The following SCML4 variants were observed in gnomAD, a reference collection of about 807,000 sequenced individuals.
The protein encoded by SCML4 is sex comb on midleg-like protein 4.
Under a neutral mutation model 41.1 loss-of-function variants are expected in SCML4, and 34 were observed. The observed-to-expected ratio is 0.83, with a 90% CI of 0.63 to 1.10. SCML4 has a LOEUF of 1.10. Among genes scored for constraint, SCML4 ranks in the 50% least tolerant of loss-of-function variants. The probability of loss-of-function intolerance (pLI) is 0.00; values close to 1 mark genes in which losing one functional copy is unlikely to be tolerated. For missense variants in SCML4, 522 were observed against 534.1 expected (o/e 0.98, Z 0.22); for synonymous variants, 214 against 220.9 (o/e 0.97, Z 0.28).
At chr6:107,839,341 A>AGAGAG in the SCML4 span, among the ~76,000 whole-genome samples, 1 of 12,886 alleles carries the variant, frequency 7.8e-5, no homozygotes, top group Non-Finnish European at 1.9e-4. Flanking sequence ...GAGAGAGAGA[A>AGAGAG]AAAGAAAGAA....
chr6:107,717,143 CAAAAAAAAAAA>C (rs546258538), intron 6 of SCML4, among the ~76,000 whole-genome samples: 8 of 63,544 alleles, frequency 1.3e-4, no homozygotes, highest in East Asian at 6.3e-4. Context: ...ACTAAAAATA[CAAAAAAAAAAA>C]AAAAAAAAAA....
chr6:107,838,647 C>T, the SCML4 span, among the ~76,000 whole-genome samples: 1 of 152,148 alleles, frequency 6.6e-6, no homozygotes, highest in African/African-American at 2.4e-5. Context: ...GTTGCCCATC[C>T]TTGAGGTATC....
At chr6:107,720,566 A>T (rs1775278190) in intron 6 of SCML4, 137 bp downstream of exon 6, 1 of 1,425,916 alleles carries the variant, frequency 7.0e-7, no homozygotes, top group African/African-American at 1.4e-5. Context: ...GATCCATGAA[A>T]GGACTTGTGG....
chr6:107,804,040 G>T (rs1186362131), intron 1 of SCML4, among the ~76,000 whole-genome samples: 1 of 122,678 alleles, frequency 8.2e-6, no homozygotes, highest in Non-Finnish European at 1.7e-5. Flanking sequence ...ACCCAAGAAT[G>T]ATCAATAACA....
At chr6:107,831,656 T>C in the SCML4 span, among the ~76,000 whole-genome samples, 3 of 152,194 alleles carry the variant, frequency 2.0e-5, no homozygotes, top group African/African-American at 4.8e-5. Context: ...GAGTGGCTCA[T>C]GCCTGTGGTC....
At chr6:107,759,435 G>A (rs115405623) in intron 2 of SCML4, among the ~76,000 whole-genome samples, 3,052 of 152,236 alleles carry the variant, frequency 0.02, 106 homozygotes, top group African/African-American at 0.07. Context: ...TACTAAGGAG[G>A]TATCACGTGG....
At chr6:107,775,469 A>G (rs901077532) in intron 1 of SCML4, among the ~76,000 whole-genome samples, 14 of 152,228 alleles carry the variant, frequency 9.2e-5, no homozygotes, top group African/African-American at 3.1e-4. Context: ...GTCTTCTGCC[A>G]GCATCTGTGA....
rs575124452 is a variant in SCML4, at chr6:107,803,082, C to A, written c.-60+21044G>T. On this transcript the variant is annotated intron_variant, in intron 1 of 7. Transcript: ENST00000369020. Reference sequence around the variant, plus strand: ...CCAGGCTGGAGTGCAGTGGCGTGATCTCGGCTCGCTACAACTTCCACCTCC... The same window carrying A: ...CCAGGCTGGAGTGCAGTGGCGTGATATCGGCTCGCTACAACTTCCACCTCC... Among the ~76,000 whole-genome samples, 21 of 152,094 alleles carry A rather than the reference C, an allele frequency of 1.4e-4. No individual in the cohort carries two copies. The South Asian group carries it at 4.2e-3, about 30-fold the overall frequency.
chr6:107,750,531 T>C (rs1349619337), intron 2 of SCML4, among the ~76,000 whole-genome samples: 1 of 152,158 alleles, frequency 6.6e-6, no homozygotes, highest in Non-Finnish European at 1.5e-5. Flanking sequence ...TAATCTTAGC[T>C]CTCTACCCAA....
At chr6:107,826,990 G>A (rs1024654633), upstream of SCML4, among the ~76,000 whole-genome samples, 4 of 152,112 alleles carry the variant, frequency 2.6e-5, no homozygotes, top group East Asian at 1.9e-4. Flanking sequence ...GTGAACCCGG[G>A]AGGCGGAGCT....
intron 6 of SCML4, among the ~76,000 whole-genome samples, chr6:107,714,763 G>T (rs1399684156): frequency 6.6e-6 from 1 of 152,044 alleles, no homozygotes; most frequent in African/African-American, 2.4e-5. Context: ...CATTAAACAG[G>T]ATTACTCATT....
the SCML4 span, among the ~76,000 whole-genome samples, chr6:107,838,400 G>C: frequency 0.74 from 112,568 of 152,028 alleles, 42,804 homozygotes; most frequent in East Asian, 0.93. Flanking sequence ...TCTGGATGGG[G>C]CTTTCGTGAA....
chr6:107,733,991 A>G (rs527259035), intron 5 of SCML4, among the ~76,000 whole-genome samples: 1 of 152,306 alleles, frequency 6.6e-6, no homozygotes, highest in South Asian at 2.1e-4. Flanking sequence ...TGGGGGCGCC[A>G]CATGAGGGAC....
At chr6:107,737,752 A>T (rs1442196333) in intron 5 of SCML4, among the ~76,000 whole-genome samples, 1 of 152,082 alleles carries the variant, frequency 6.6e-6, no homozygotes, top group Non-Finnish European at 1.5e-5. Flanking sequence ...TGTAATGGTG[A>T]GCCGGGTGGG....
chr6:107,746,793 G>A lies in SCML4; in HGVS notation c.383C>T (p.Ser128Leu), dbSNP rs1180321786. The A allele has an allele frequency of 6.2e-7, 1 of 1,614,118 alleles. No individual in the cohort carries two copies. Among genetic ancestry groups the A allele is most frequent in the Admixed American group, 1.7e-5 (1 of 60,022 alleles). Residue 128 changes from serine (S) to leucine (L), a missense_variant, in exon 4 of 8, where the codon TCG becomes TTG. Physicochemically the swap from Ser to Leu is moderately radical, Grantham distance 145. Coordinates refer to ENST00000369020, the MANE Select transcript of SCML4 (RefSeq NM_198081.5). Reference protein sequence around the residue: ...LPEHFGPERPSAVLQQAVQAC... With the variant: ...LPEHFGPERPLAVLQQAVQAC... ...TTGGACGGCCTGCTGCAGCACCGCC[G>A]ATGGCCGCTCGGGCCCAAAATGCTC...
rs190979692 is a variant in SCML4 at position 107,752,901 on chromosome 6, T to C, written c.157-3088A>G. 1.3e-3 allele frequency among the ~76,000 whole-genome samples: 194 copies of C among 152,266 alleles called. 1 individual carries two copies. The highest frequency in any genetic ancestry group is 2.4e-3 in the Non-Finnish European group (162 of 68,012). Reference sequence around the variant, plus strand: ...GAAGCAAAGGGCATGGGAAATGCAATTGAGGAGTTATACTTTGAGTTGAGA... The same window carrying C: ...GAAGCAAAGGGCATGGGAAATGCAACTGAGGAGTTATACTTTGAGTTGAGA... On this transcript the variant is annotated intron_variant, in intron 2 of 7. Transcript: ENST00000369020.
chr6:107,837,791 C>T, the SCML4 span, among the ~76,000 whole-genome samples: 1 of 152,226 alleles, frequency 6.6e-6, no homozygotes, highest in African/African-American at 2.4e-5. Flanking sequence ...ATTAAATTAC[C>T]CCTCCAGTTG....
At chr6:107,740,256 G>A (rs951909609) in intron 5 of SCML4, 1 of 432,876 alleles carries the variant, frequency 2.3e-6, no homozygotes, top group Non-Finnish European at 4.7e-6. Flanking sequence ...AGACCACCAT[G>A]CGGGTCTTGT....
chr6:107,821,995 C>T (rs1009668912), intron 1 of SCML4, among the ~76,000 whole-genome samples: 14 of 152,152 alleles, frequency 9.2e-5, no homozygotes, highest in African/African-American at 2.4e-4. Context: ...TATTCCTCTC[C>T]GAGCATTCCT....
Sources: allele counts gnomAD v4.1 joint callset (sites outside exome capture counted in the v4.1 genomes callset), GRCh38; gene constraint gnomAD v4.1.1; transcripts MANE v1.5; gene names NCBI Gene and HGNC (gene_info 2026-07-23, HGNC 2026-07-21).